Variants in TAOK1 observed in about 807,000 individuals in gnomAD.
TAOK1 encodes TAO kinase 1, also known as serine/threonine-protein kinase TAO1.
TAOK1 carries 21 observed loss-of-function variants against 138.3 expected under a neutral mutation model. The ratio of observed to expected loss-of-function variants is 0.15; its 90% CI spans 0.11 to 0.22. TAOK1 has a LOEUF of 0.22. Ranked by LOEUF, TAOK1 falls within the 10% of genes least tolerant of loss-of-function variation. The pLI is 1.00. For missense variants in TAOK1, 651 were observed against 1,227.7 expected, an observed-to-expected ratio of 0.53 and a Z score of 7.02; for synonymous variants, 361 against 398.4, an observed-to-expected ratio of 0.91 and a Z score of 1.12.
intron 1 of TAOK1, among the ~76,000 whole-genome samples, chr17:29,417,005 GT>G (rs138213491): frequency 6.0e-5 from 9 of 149,430 alleles, no homozygotes; most frequent in Non-Finnish European, 9.0e-5. Flanking sequence ...TAGTTTACCA[GT>G]TTTTTTTTTT....
rs71138830 is a variant in TAOK1, at chr17:29,526,819, T to TAAAAAAAAA, written c.2149-3568_2149-3560dup. ...GGCAGCATAGGGAGATCTCATCTCT[T>TAAAAAAAAA]AAAAAAAAAAAAAAAAAAAAAAAAA... is the stretch of plus-strand genomic sequence containing the variant. On this transcript the variant is annotated intron_variant, in intron 17 of 19. Coordinates refer to ENST00000261716, the MANE Select transcript of TAOK1 (RefSeq NM_020791.4). Among the ~76,000 whole-genome samples, 52 of 50,946 alleles carry TAAAAAAAAA rather than the reference T, an allele frequency of 1.0e-3. 4 individuals carry two copies. The highest frequency in any genetic ancestry group is 1.5e-3 in the South Asian group (2 of 1,348). 33.4% of individuals were successfully genotyped at this position (50,946 alleles called of 152,430 possible). A position where few individuals can be genotyped will look rare whatever the true frequency, so the allele number is the denominator to read the frequency against.
At position 29,547,661 on chromosome 17, in the gene TAOK1, TG is replaced by T. The variant is rs914065636; in HGVS notation, c.*4642del. On this transcript the variant is annotated 3_prime_UTR_variant, in exon 20 of 20. Coordinates refer to ENST00000261716, the MANE Select transcript of TAOK1 (RefSeq NM_020791.4). ...CTTCTCCAAGAGCAATGTCAAAACT[TG>T]GGCTGTCATCTTTGAGCTGTTTACC... is the stretch of plus-strand genomic sequence containing the variant. 6 of 152,136 alleles carry T rather than the reference TG, an allele frequency of 3.9e-5. No individual in the cohort carries two copies. Among genetic ancestry groups the T allele is most frequent in the Non-Finnish European group, 8.8e-5 (6 of 67,972 alleles). The allele number at this position is 152,136 out of a possible 1,614,324, so 9.4% of individuals were successfully genotyped here.
At position 29,503,819 on chromosome 17, in the gene TAOK1, A is replaced by C. The variant is rs1269914986; in HGVS notation, c.1338+1096A>C. ...GTGAAACTCCATCTCTACAAAAAAT[A>C]CAAAATTCAGGTGGGGTGCGGTAGC... On this transcript the variant is annotated intron_variant, in intron 13 of 19. Coordinates refer to ENST00000261716, the MANE Select transcript of TAOK1 (RefSeq NM_020791.4). Among the ~76,000 whole-genome samples the C allele has an allele frequency of 2.0e-5, 3 of 152,130 alleles. No individual in the cohort carries two copies. In the East Asian group the frequency reaches 5.8e-4, roughly 29 times the overall value.
At chr17:29,526,758 A>G (rs956428267) in intron 17 of TAOK1, among the ~76,000 whole-genome samples, 13 of 144,866 alleles carry the variant, frequency 9.0e-5, no homozygotes, top group African/African-American at 3.3e-4. Context: ...TGAGCAACAT[A>G]GTGAGACCCT....
intron 16 of TAOK1, among the ~76,000 whole-genome samples, chr17:29,521,606 G>A (rs1050974073): frequency 6.6e-6 from 1 of 152,102 alleles, no homozygotes; most frequent in Non-Finnish European, 1.5e-5. Context: ...CTTTTGAGAG[G>A]GAGTCTCGCT....
In TAOK1 at chr17:29,542,774, C is replaced by T. The variant is rs769491636; in HGVS notation, c.2758C>T (p.Pro920Ser). 2 of 1,614,220 alleles carry T rather than the reference C, an allele frequency of 1.2e-6. No homozygotes were observed. Among genetic ancestry groups the T allele is most frequent in the South Asian group, 1.1e-5 (1 of 91,080 alleles). Reference protein sequence around the residue: ...WSHNPTGGPGPHWGHPMGGPP... With the variant: ...WSHNPTGGPGSHWGHPMGGPP... ...ACACAACCCTACTGGGGGTCCAGGA[C>T]CTCACTGGGGTCATCCCATGGGTGG... Residue 920 changes from proline (P) to serine (S), a missense_variant, in exon 20 of 20, where the codon CCT (proline) becomes TCT (serine). Pro to Ser is a moderately conservative substitution (Grantham distance 74). Around this residue, in one of 8 missense-constraint regions of TAOK1, gnomAD observed 108 missense variants for 120.3 expected, o/e 0.90. Coordinates refer to ENST00000261716, the MANE Select transcript of TAOK1 (RefSeq NM_020791.4).
intron 10 of TAOK1, among the ~76,000 whole-genome samples, chr17:29,494,685 G>A (rs1030194570): frequency 2.0e-5 from 3 of 151,900 alleles, no homozygotes; most frequent in Non-Finnish European, 4.4e-5. Flanking sequence ...AATTAGCCGG[G>A]TGTGGTGGCG....
At chr17:29,477,269 G>A (rs1456706143) in intron 4 of TAOK1, among the ~76,000 whole-genome samples, 4 of 151,930 alleles carry the variant, frequency 2.6e-5, no homozygotes, top group Non-Finnish European at 5.9e-5. Context: ...GTCTTCTAAC[G>A]ATGATCAATA....
chr17:29,493,922 T>G (rs1354459685), intron 10 of TAOK1, among the ~76,000 whole-genome samples: 1 of 152,058 alleles, frequency 6.6e-6, no homozygotes, highest in East Asian at 1.9e-4. Context: ...ATAATTATTT[T>G]TTTTTTGTTT....
At chr17:29,475,250 A>G (rs912923645) in intron 3 of TAOK1, among the ~76,000 whole-genome samples, 1 of 152,140 alleles carries the variant, frequency 6.6e-6, no homozygotes, top group African/African-American at 2.4e-5. Context: ...AATATAATTT[A>G]TTTAAACTTT....
intron 12 of TAOK1, among the ~76,000 whole-genome samples, chr17:29,501,901 G>A (rs1371726290): frequency 1.3e-5 from 2 of 152,092 alleles, no homozygotes; most frequent in Non-Finnish European, 2.9e-5. Context: ...GCTGGGCATG[G>A]TAGTGCATGC....
intron 11 of TAOK1, 112 bp from the exon 12 acceptor site, chr17:29,498,206 C>A: frequency 1.9e-6 from 2 of 1,075,750 alleles, no homozygotes; most frequent in Non-Finnish European, 2.7e-6. Context: ...CATGATAGAC[C>A]AACTTTCTGA....
At chr17:29,446,351 C>G (rs932557992) in intron 1 of TAOK1, among the ~76,000 whole-genome samples, 15 of 152,108 alleles carry the variant, frequency 9.9e-5, no homozygotes, top group African/African-American at 3.4e-4. Context: ...ACGCCATTCT[C>G]CTCCCTCAGC....
At chr17:29,476,748 A>C (rs1262044143) in intron 4 of TAOK1, among the ~76,000 whole-genome samples, 1 of 152,198 alleles carries the variant, frequency 6.6e-6, no homozygotes. Context: ...TCTGTAGATT[A>C]GTTATAATAC....
At chr17:29,518,542 T>G (rs558815864) in intron 16 of TAOK1, among the ~76,000 whole-genome samples, 87 of 152,336 alleles carry the variant, frequency 5.7e-4, no homozygotes, top group African/African-American at 2.1e-3. Context: ...CTTTCTCACA[T>G]GAACATGTGT....
Position 29,434,684 on chromosome 17 carries a change from C to A in TAOK1, c.-94-16771C>A, listed in dbSNP as rs180786220. ...TGGAGTTCCCTAGGCCTCATTTATG[C>A]CATGGATATTAATGTGGCCTTTATC... On this transcript the variant is annotated intron_variant, in intron 1 of 19. Coordinates refer to ENST00000261716, the MANE Select transcript of TAOK1 (RefSeq NM_020791.4). Among the ~76,000 whole-genome samples, 235 of 152,254 alleles carry A rather than the reference C, an allele frequency of 1.5e-3. 1 individual carries two copies. The highest frequency in any genetic ancestry group is 4.4e-4 in the Non-Finnish European group (30 of 68,008).
At chr17:29,402,542 C>T (rs980501413) in intron 1 of TAOK1, among the ~76,000 whole-genome samples, 1 of 152,068 alleles carries the variant, frequency 6.6e-6, no homozygotes, top group African/African-American at 2.4e-5. Flanking sequence ...TGAGCTCAAG[C>T]AATCTGCCTG....
chr17:29,476,965 C>T (rs879414243), intron 4 of TAOK1, among the ~76,000 whole-genome samples: 8 of 152,048 alleles, frequency 5.3e-5, no homozygotes, highest in Non-Finnish European at 1.2e-4. Context: ...CCTGCCTAAG[C>T]TTCCCGAGTA....
At chr17:29,494,825 CAAAAAAAAAAA>C (rs368548444) in intron 10 of TAOK1, among the ~76,000 whole-genome samples, 182 of 48,306 alleles carry the variant, frequency 3.8e-3, no homozygotes, top group African/African-American at 0.013. Flanking sequence ...GACTCCGTCT[CAAAAAAAAAAA>C]AAAAAAAAAA....
Sources: gnomAD v4.1 joint callset for allele counts (sites outside exome capture counted in the v4.1 genomes callset) on GRCh38, gnomAD v4.1.1 for gene constraint, gnomAD v4.1.1 regional missense constraint, MANE v1.5 for transcripts, NCBI Gene and HGNC (gene_info 2026-07-23, HGNC 2026-07-21) for gene names.